The following EPHA5 variants were observed in gnomAD, a reference collection of about 807,000 sequenced individuals.
EPHA5 encodes EPH receptor A5, also known as ephrin type-A receptor 5.
In EPHA5, 60 loss-of-function variants were observed where a neutral mutation model predicts 105.0. The observed-to-expected ratio is 0.57, with a 90% CI of 0.46 to 0.71. The LOEUF is 0.71. Among genes scored for constraint, EPHA5 ranks in the 30% least tolerant of loss-of-function variants. The pLI is 0.00. For synonymous variants in EPHA5, 513 were observed against 449.1 expected, an observed-to-expected ratio of 1.14 and a Z score of -1.80; for missense variants, 1,218 against 1,274.7, an observed-to-expected ratio of 0.96 and a Z score of 0.68.
rs780305830 is a variant in EPHA5 at position 65,367,357 on chromosome 4, T to C, written c.1861A>G (p.Ile621Val). ...TTTTTATTTTTTACAATTTGCTTAC[T>C]GTGCCCATTATGAAAATGCATCTTT... The part of the protein sequence containing the change: ...EEKMHFHNGH[I>V]KLPGVRTYID... The change falls in exon 9 of 17, where the codon ATT becomes GTT. Residue 621 changes from isoleucine (I) to valine (V), a missense_variant and splice_region_variant. By Grantham distance (29) the Ile-to-Val change is conservative (BLOSUM62 3). Around this residue, in one of 3 missense-constraint regions of EPHA5, gnomAD observed 971 missense variants for 1,013.5 expected, o/e 0.96. Coordinates refer to ENST00000613740, the MANE Select transcript of EPHA5 (RefSeq NM_001281766.3). 7.5e-6 allele frequency: 12 copies of C among 1,610,644 alleles called. No individual in the cohort carries two copies. In the African/African-American group the frequency reaches 1.5e-4, roughly 20 times the overall value.
chr4:65,556,016 G>A (rs1401104265), intron 3 of EPHA5, among the ~76,000 whole-genome samples: 1 of 151,946 alleles, frequency 6.6e-6, no homozygotes, highest in Non-Finnish European at 1.5e-5. Flanking sequence ...TTTTTAAATG[G>A]AATTAAAAGA....
intron 3 of EPHA5, among the ~76,000 whole-genome samples, chr4:65,571,516 C>A (rs1560712338): frequency 6.6e-6 from 1 of 152,000 alleles, no homozygotes; most frequent in African/African-American, 2.4e-5. Flanking sequence ...AAGCACTATT[C>A]TTAAATAGGA....
At chr4:65,522,086 A>G (rs894871072) in intron 3 of EPHA5, among the ~76,000 whole-genome samples, 2 of 151,960 alleles carry the variant, frequency 1.3e-5, no homozygotes. Flanking sequence ...CAGAAAAAAA[A>G]CTAAGATCTC....
chr4:65,531,300 G>A (rs1735772073), intron 3 of EPHA5, among the ~76,000 whole-genome samples: 1 of 150,768 alleles, frequency 6.6e-6, no homozygotes, highest in South Asian at 2.1e-4. Context: ...GCCTCCCAAA[G>A]TGCTGGGATT....
intron 8 of EPHA5, among the ~76,000 whole-genome samples, chr4:65,384,761 T>A (rs1187052564): frequency 6.6e-6 from 1 of 151,986 alleles, no homozygotes; most frequent in Non-Finnish European, 1.5e-5. Flanking sequence ...GGAAAATATA[T>A]GGATTCATCT....
At chr4:65,663,117 A>C (rs2149553709) in intron 1 of EPHA5, among the ~76,000 whole-genome samples, 1 of 152,296 alleles carries the variant, frequency 6.6e-6, no homozygotes, top group East Asian at 1.9e-4. Context: ...GGAAAAGAAG[A>C]GCTACAGAAA....
intron 1 of EPHA5, among the ~76,000 whole-genome samples, chr4:65,665,824 A>G (rs1404800021): frequency 1.3e-5 from 2 of 152,186 alleles, no homozygotes; most frequent in African/African-American, 4.8e-5. Flanking sequence ...TTAAGCAAAA[A>G]GCCAAAACTA....
chr4:65,521,240 T>C (rs1252765045), intron 3 of EPHA5, among the ~76,000 whole-genome samples: 1 of 152,074 alleles, frequency 6.6e-6, no homozygotes, highest in Non-Finnish European at 1.5e-5. Flanking sequence ...TAGATGAAGC[T>C]GGAAACCATC....
At chr4:65,387,355 A>T (rs767894485) in intron 8 of EPHA5, among the ~76,000 whole-genome samples, 3 of 151,988 alleles carry the variant, frequency 2.0e-5, no homozygotes, top group Non-Finnish European at 2.9e-5. Flanking sequence ...GCTAAACTGT[A>T]CAAGCTCCAT....
At chr4:65,568,802 T>C (rs554570298) in intron 3 of EPHA5, among the ~76,000 whole-genome samples, 2 of 151,264 alleles carry the variant, frequency 1.3e-5, no homozygotes, top group South Asian at 2.1e-4. Flanking sequence ...AATAAATCTA[T>C]CTTCAACGAA....
intron 5 of EPHA5, among the ~76,000 whole-genome samples, chr4:65,430,227 T>C (rs1343353443): frequency 6.6e-6 from 1 of 152,084 alleles, no homozygotes; most frequent in Non-Finnish European, 1.5e-5. Flanking sequence ...TATATAATTA[T>C]ATATCTATCA....
At chr4:65,452,253 T>C (rs1372714845) in intron 5 of EPHA5, among the ~76,000 whole-genome samples, 2 of 152,166 alleles carry the variant, frequency 1.3e-5, no homozygotes, top group South Asian at 4.1e-4. Flanking sequence ...GGAGTTAAAA[T>C]TTATAACCAA....
intron 5 of EPHA5, among the ~76,000 whole-genome samples, chr4:65,438,547 G>A (rs1328870635): frequency 6.6e-6 from 1 of 151,928 alleles, no homozygotes; most frequent in African/African-American, 2.4e-5. Flanking sequence ...ACACAAAGAA[G>A]ACAGTGAAGA....
At chr4:65,438,677 TA>T (rs1251309563) in intron 5 of EPHA5, among the ~76,000 whole-genome samples, 4 of 151,804 alleles carry the variant, frequency 2.6e-5, no homozygotes, top group Non-Finnish European at 5.9e-5. Flanking sequence ...AAGTGAACAG[TA>T]GAGAGATATA....
rs796547614 is a variant in EPHA5 at position 65,325,375 on chromosome 4, A to AT, written c.2946-1157dup. On this transcript the variant is annotated intron_variant, in intron 16 of 16. Transcript: ENST00000613740. The stretch of plus-strand genomic sequence containing the variant: ...CTCTGTGTATATTCGTATTGGAAAT[A>AT]TTTTTTTCCAAAATAGTATTTTAGT... Among the ~76,000 whole-genome samples the AT allele has an allele frequency of 6.6e-4, 100 of 151,334 alleles. 1 individual carries two copies. The highest frequency in any genetic ancestry group is 2.2e-3 in the African/African-American group (92 of 41,408).
rs575557668 is a variant in EPHA5, at chr4:65,568,723, T to G, written c.910+32918A>C. ...AATAGAAATAATATCTTAAATAGTTTATACACTTTTTCAAACCATAACTGA... is the reference window on the plus strand; with the variant it reads ...AATAGAAATAATATCTTAAATAGTTGATACACTTTTTCAAACCATAACTGA... On this transcript the variant is annotated intron_variant, in intron 3 of 16. Coordinates refer to ENST00000613740, the MANE Select transcript of EPHA5 (RefSeq NM_001281766.3). 8.6e-5 allele frequency among the ~76,000 whole-genome samples: 13 copies of G among 151,120 alleles called. No individual in the cohort carries two copies. In the South Asian group the frequency reaches 2.3e-3, roughly 27 times the overall value.
At chr4:65,486,465 C>T (rs1239732026) in intron 5 of EPHA5, among the ~76,000 whole-genome samples, 2 of 152,122 alleles carry the variant, frequency 1.3e-5, no homozygotes, top group African/African-American at 4.8e-5. Flanking sequence ...GATGCATTTC[C>T]TGTACCCCTA....
chr4:65,628,961 C>T (rs1014542348), intron 2 of EPHA5, among the ~76,000 whole-genome samples: 4 of 151,936 alleles, frequency 2.6e-5, no homozygotes, highest in Non-Finnish European at 4.4e-5. Context: ...GGATTAAGTT[C>T]GATGTTCATA....
In EPHA5 at chr4:65,568,167, T is replaced by C. The variant is rs376216676; in HGVS notation, c.910+33474A>G. Among the ~76,000 whole-genome samples the C allele has an allele frequency of 2.4e-4, 37 of 151,642 alleles. No individual in the cohort carries two copies. In the East Asian group the frequency reaches 5.4e-3, roughly 22 times the overall value. On this transcript the variant is annotated intron_variant, in intron 3 of 16. Coordinates refer to ENST00000613740, the MANE Select transcript of EPHA5 (RefSeq NM_001281766.3). ...TGTGTCTGTTACCTCAGATGACAAC[T>C]ATATTTTTCAAACAACTTTTAATTT...
Sources: gnomAD v4.1 joint callset for allele counts (sites outside exome capture counted in the v4.1 genomes callset) on GRCh38, gnomAD v4.1.1 for gene constraint, gnomAD v4.1.1 regional missense constraint, MANE v1.5 for transcripts, NCBI Gene and HGNC (gene_info 2026-07-23, HGNC 2026-07-21) for gene names.